The following KHDRBS2 variants were observed in gnomAD, a reference collection of about 807,000 sequenced individuals.
KHDRBS2 encodes KH RNA binding domain containing, signal transduction associated 2.
Under a neutral mutation model 44.3 loss-of-function variants are expected in KHDRBS2, and 26 were observed. The ratio of observed to expected loss-of-function variants is 0.59; its 90% CI spans 0.43 to 0.81. The LOEUF is 0.81. KHDRBS2 is among the 40% of genes least tolerant of loss of function. The probability of loss-of-function intolerance (pLI) is 0.00; values close to 1 mark genes in which losing one functional copy is unlikely to be tolerated. For synonymous variants in KHDRBS2, 194 were observed against 151.1 expected, an observed-to-expected ratio of 1.28 and a Z score of -2.08; for missense variants, 476 against 433.1, an observed-to-expected ratio of 1.10 and a Z score of -0.88.
intron 1 of KHDRBS2, among the ~76,000 whole-genome samples, chr6:62,185,426 A>C (rs143512721): frequency 6.6e-6 from 1 of 152,104 alleles, no homozygotes; most frequent in African/African-American, 2.4e-5. Context: ...AGCAGGTCAT[A>C]GTTTAGTGAA....
chr6:61,907,585 A>G (rs2127348372), intron 4 of KHDRBS2, among the ~76,000 whole-genome samples: 1 of 152,228 alleles, frequency 6.6e-6, no homozygotes, highest in South Asian at 2.1e-4. Flanking sequence ...ATTTTTGTAT[A>G]TGGTTAGAGA....
At chr6:61,551,653 G>A in the KHDRBS2 span, among the ~76,000 whole-genome samples, 1 of 152,092 alleles carries the variant, frequency 6.6e-6, no homozygotes. Context: ...TGTCAGCTTT[G>A]TTGAAGACCA....
intron 2 of KHDRBS2, among the ~76,000 whole-genome samples, chr6:62,063,239 A>C (rs879573476): frequency 1.4e-5 from 2 of 143,170 alleles, no homozygotes; most frequent in Non-Finnish European, 3.1e-5. Flanking sequence ...AAACTATTCC[A>C]ATCAATAGAA....
At chr6:61,976,111 G>A (rs1315013663) in intron 4 of KHDRBS2, among the ~76,000 whole-genome samples, 2 of 152,122 alleles carry the variant, frequency 1.3e-5, no homozygotes, top group African/African-American at 4.8e-5. Flanking sequence ...ATCTGAGTCT[G>A]TATATATGGT....
intron 3 of KHDRBS2, among the ~76,000 whole-genome samples, chr6:62,011,766 CA>C (rs1210923804): frequency 6.6e-6 from 1 of 152,096 alleles, no homozygotes; most frequent in Non-Finnish European, 1.5e-5. Context: ...GAATTCTTGA[CA>C]CATACTAAGT....
intron 1 of KHDRBS2, among the ~76,000 whole-genome samples, chr6:62,278,241 T>C (rs529033872): frequency 6.6e-6 from 1 of 152,326 alleles, no homozygotes; most frequent in East Asian, 1.9e-4. Flanking sequence ...TCAAATTCAG[T>C]GCTCAAATAA....
At chr6:61,910,001 C>T (rs1048959793) in intron 4 of KHDRBS2, among the ~76,000 whole-genome samples, 8 of 152,238 alleles carry the variant, frequency 5.3e-5, no homozygotes, top group South Asian at 2.1e-4. Context: ...GGAAATGATA[C>T]GTAGGGAAAT....
chr6:62,013,708 G>A (rs905906985), intron 3 of KHDRBS2, among the ~76,000 whole-genome samples: 3 of 152,130 alleles, frequency 2.0e-5, no homozygotes, highest in African/African-American at 7.2e-5. Flanking sequence ...ACAGGCATCC[G>A]TCCTTACAGT....
intron 4 of KHDRBS2, among the ~76,000 whole-genome samples, chr6:61,912,708 C>T (rs1007945404): frequency 6.6e-6 from 1 of 152,148 alleles, no homozygotes; most frequent in Non-Finnish European, 1.5e-5. Context: ...TGCAAGAGCA[C>T]TACAGTCAGC....
intron 5 of KHDRBS2, among the ~76,000 whole-genome samples, chr6:61,898,269 CT>C (rs979172933): frequency 3.3e-5 from 5 of 150,394 alleles, no homozygotes; most frequent in East Asian, 1.9e-4. Flanking sequence ...AAGCTATTTT[CT>C]TTTTTTTTGT....
the KHDRBS2 span, among the ~76,000 whole-genome samples, chr6:61,546,147 A>G: frequency 6.6e-6 from 1 of 152,166 alleles, no homozygotes; most frequent in South Asian, 2.1e-4. Flanking sequence ...AATCTGAGGA[A>G]GTTGCCAATG....
chr6:61,994,756 T>C (rs1776848662), intron 3 of KHDRBS2, among the ~76,000 whole-genome samples: 1 of 152,088 alleles, frequency 6.6e-6, no homozygotes, highest in Non-Finnish European at 1.5e-5. Flanking sequence ...TTATTGTAAG[T>C]GCAATAAAAG....
chr6:62,176,094 T>C (rs1821033764), intron 2 of KHDRBS2, among the ~76,000 whole-genome samples: 1 of 151,432 alleles, frequency 6.6e-6, no homozygotes, highest in Admixed American at 6.6e-5. Context: ...TTATTCTTTA[T>C]ACTCCAACAT....
chr6:62,125,211 CGA>C (rs1181787759), intron 2 of KHDRBS2, among the ~76,000 whole-genome samples: 1 of 152,056 alleles, frequency 6.6e-6, no homozygotes, highest in African/African-American at 2.4e-5. Context: ...TGTGTGCTTG[CGA>C]GAGGAAGAGG....
chr6:62,258,480 G>C (rs758493117), intron 1 of KHDRBS2, among the ~76,000 whole-genome samples: 21 of 152,124 alleles, frequency 1.4e-4, no homozygotes, highest in Admixed American at 1.2e-3. Context: ...AGGATCACGG[G>C]CATGTAAATT....
intron 3 of KHDRBS2, among the ~76,000 whole-genome samples, chr6:61,996,422 A>G (rs1477549823): frequency 1.3e-5 from 2 of 152,218 alleles, no homozygotes; most frequent in Non-Finnish European, 2.9e-5. Context: ...TTTAGTTAAT[A>G]TCATTAAGTG....
intron 4 of KHDRBS2, among the ~76,000 whole-genome samples, chr6:61,967,955 TATAC>T (rs146192199): frequency 0.29 from 38,005 of 128,932 alleles, 5,162 homozygotes; most frequent in Admixed American, 0.36. Context: ...TATATATATA[TATAC>T]ACACACACAC....
intron 4 of KHDRBS2, among the ~76,000 whole-genome samples, chr6:61,971,723 C>A (rs148541019): frequency 1.1e-4 from 16 of 152,142 alleles, no homozygotes; most frequent in African/African-American, 3.4e-4. Context: ...TCTTTGCCAG[C>A]AATTGATTTT....
At chr6:62,232,732 C>T (rs1318794498) in intron 1 of KHDRBS2, among the ~76,000 whole-genome samples, 1 of 152,096 alleles carries the variant, frequency 6.6e-6, no homozygotes, top group Non-Finnish European at 1.5e-5. Context: ...TATTGTGAAA[C>T]TCTCCCAAAA....
Sources: gnomAD v4.1 joint callset for allele counts (sites outside exome capture counted in the v4.1 genomes callset) on GRCh38, gnomAD v4.1.1 for gene constraint, MANE v1.5 for transcripts, NCBI Gene and HGNC (gene_info 2026-07-23, HGNC 2026-07-21) for gene names.